The following ZNF726 variants were observed in gnomAD, a reference collection of about 807,000 sequenced individuals.
ZNF726 encodes zinc finger protein 92 pseudogene 3.
Under a neutral mutation model 11.6 loss-of-function variants are expected in ZNF726, and 15 were observed. The ratio of observed to expected loss-of-function variants is 1.29; its 90% CI spans 0.86 to 1.99. ZNF726 has a LOEUF of 1.99. Among genes scored for constraint, ZNF726 ranks in the 30% most tolerant of loss-of-function variants. The probability of loss-of-function intolerance (pLI) is 0.00; values close to 1 mark genes in which losing one functional copy is unlikely to be tolerated. For missense variants in ZNF726, 890 were observed against 725.6 expected, an observed-to-expected ratio of 1.23 and a Z score of -2.60; for synonymous variants, 295 against 243.6, an observed-to-expected ratio of 1.21 and a Z score of -1.96.
At position 23,914,929 on chromosome 19, in the gene ZNF726, CTG is replaced by C. The variant is rs1409241867; in HGVS notation, c.-62_-61del. On this transcript the variant is annotated 5_prime_UTR_variant, in exon 1 of 4. Transcript: ENST00000594466. ...AGCTCCAGGTCTCGTCCTCACTACTCTGTGTCTTCTGCTTTTAGGGGCGCAGC... is the reference window on the plus strand; with the variant it reads ...AGCTCCAGGTCTCGTCCTCACTACTCTGTCTTCTGCTTTTAGGGGCGCAGC... The C allele has an allele frequency of 3.5e-5, 57 of 1,610,944 alleles. No homozygotes were observed. In the South Asian group the frequency reaches 5.9e-4, roughly 17 times the overall value.
downstream of ZNF726, among the ~76,000 whole-genome samples, chr19:23,936,592 T>G (rs1968235049): frequency 6.6e-6 from 1 of 152,048 alleles, no homozygotes; most frequent in African/African-American, 2.4e-5. Context: ...CATTAAAATG[T>G]AAGATACATG....
Position 23,934,390 on chromosome 19 carries a change from A to G in ZNF726, c.*423A>G. On this transcript the variant is annotated 3_prime_UTR_variant, in exon 4 of 4. Coordinates refer to ENST00000594466, the MANE Select transcript of ZNF726 (RefSeq NM_001244038.2). Reference sequence around the variant, plus strand: ...TTCATACTGAAGAGAAACCCTACAAATGTGAAAAATGTGTCAAAGCCTTTA... The same window carrying G: ...TTCATACTGAAGAGAAACCCTACAAGTGTGAAAAATGTGTCAAAGCCTTTA... 2.0e-6 allele frequency: 1 copy of G among 499,274 alleles called. No homozygotes were observed. The highest frequency in any genetic ancestry group is 2.3e-5 in the Admixed American group (1 of 44,026). 30.9% of individuals were successfully genotyped at this position (499,274 alleles called of 1,614,324 possible).
chr19:23,931,192 TTGATCTCC>T (rs1968096535), intron 3 of ZNF726, among the ~76,000 whole-genome samples: 1 of 152,216 alleles, frequency 6.6e-6, no homozygotes, highest in African/African-American at 2.4e-5. Context: ...CAGGATGGTC[TTGATCTCC>T]TGACCTCATG....
intron 3 of ZNF726, chr19:23,927,778 A>G (rs1213902962): frequency 6.6e-6 from 1 of 152,226 alleles, no homozygotes; most frequent in Non-Finnish European, 1.5e-5. Context: ...TACACCACCC[A>G]GCTGGCATTC....
intron 3 of ZNF726, among the ~76,000 whole-genome samples, chr19:23,925,684 A>T (rs954163605): frequency 5.5e-5 from 8 of 144,318 alleles, no homozygotes; most frequent in Non-Finnish European, 1.1e-4. Context: ...AAATAAAGTT[A>T]TTCAATTTGA....
intron 3 of ZNF726, among the ~76,000 whole-genome samples, chr19:23,922,094 C>T (rs1257795011): frequency 6.6e-6 from 1 of 152,186 alleles, no homozygotes; most frequent in Non-Finnish European, 1.5e-5. Flanking sequence ...CTTAAGTCTG[C>T]TGGGTTTGCA....
At chr19:23,915,713 T>C (rs1177470420) in intron 1 of ZNF726, among the ~76,000 whole-genome samples, 1 of 152,070 alleles carries the variant, frequency 6.6e-6, no homozygotes, top group Non-Finnish European at 1.5e-5. Context: ...CCCTAGTAGT[T>C]GGGACTACAG....
Position 23,932,677 on chromosome 19 carries a change from CA to C in ZNF726, c.565del (p.Thr189ProfsTer61). The C allele has an allele frequency of 6.3e-7, 1 of 1,587,898 alleles. No individual in the cohort carries two copies. The highest frequency in any genetic ancestry group is 8.5e-7 in the Non-Finnish European group (1 of 1,171,162). On this transcript the variant is annotated frameshift_variant, in exon 4 of 4. Transcript: ENST00000594466. LOFTEE classifies it low-confidence loss of function (END_TRUNC). ...TCAAATCATTTTGCATGTTTTCACA[CA>C]AAACCCAGCATAAAAGCATATATAC... is the stretch of plus-strand genomic sequence containing the variant. ...CVKSFCMFSHKTQHKSIYTTE... is the reference protein window; with the variant it reads ...CVKSFCMFSHXTQHKSIYTTE...
chr19:23,915,606 G>T (rs542280013), intron 1 of ZNF726, among the ~76,000 whole-genome samples: 2 of 151,316 alleles, frequency 1.3e-5, no homozygotes, highest in East Asian at 3.9e-4. Flanking sequence ...TTTTTTTGAG[G>T]CAGAGTCTCT....
chr19:23,914,978 C>A lies in ZNF726; in HGVS notation c.-17C>A, dbSNP rs776142153. 1.9e-5 allele frequency: 31 copies of A among 1,613,520 alleles called. No individual in the cohort carries two copies. The highest frequency in any genetic ancestry group is 3.3e-5 in the Admixed American group (2 of 59,986). ...CAGCCTCTGTGGCCCTGTGACCTGCCCCCTGGAAGCCTAGAAATGGTGAGA... is the reference window on the plus strand; with the variant it reads ...CAGCCTCTGTGGCCCTGTGACCTGCACCCTGGAAGCCTAGAAATGGTGAGA... On this transcript the variant is annotated 5_prime_UTR_variant, in exon 1 of 4. Transcript: ENST00000594466.
At chr19:23,922,425 C>T (rs1284143309) in intron 3 of ZNF726, among the ~76,000 whole-genome samples, 2 of 152,298 alleles carry the variant, frequency 1.3e-5, no homozygotes, top group African/African-American at 2.4e-5. Context: ...AGGTCTGAGG[C>T]CTGCCATCAT....
chr19:23,919,169 C>T, intron 1 of ZNF726: 1 of 690,952 alleles, frequency 1.4e-6, no homozygotes, highest in East Asian at 4.0e-5. Context: ...CACTGATGTT[C>T]TGGATATTAT....
intron 1 of ZNF726, 132 bp downstream of exon 1, chr19:23,915,129 G>T: frequency 7.3e-7 from 1 of 1,379,282 alleles, no homozygotes; most frequent in Non-Finnish European, 1.0e-6. Flanking sequence ...TGCCCAGCTC[G>T]GCCTCAGTCC....
intron 4 of ZNF726, chr19:23,943,883 G>A (rs962480416): frequency 1.6e-4 from 35 of 215,266 alleles, no homozygotes; most frequent in African/African-American, 7.5e-4. Flanking sequence ...ATTGCTTCGG[G>A]GGAATATAAA....
chr19:23,937,487 C>T (rs558554864), downstream of ZNF726, among the ~76,000 whole-genome samples: 74 of 149,866 alleles, frequency 4.9e-4, 1 homozygote, highest in South Asian at 0.013. Flanking sequence ...CGGGCAGAGA[C>T]GCTCCTCACA....
chr19:23,934,094 C>G lies in ZNF726; in HGVS notation c.*127C>G, dbSNP rs755968878. The G allele has an allele frequency of 2.5e-6, 3 of 1,206,322 alleles. No homozygotes were observed. The African/African-American group carries it at 4.5e-5, about 18-fold the overall frequency. 74.7% of individuals were successfully genotyped at this position (1,206,322 alleles called of 1,614,324 possible). A position where few individuals can be genotyped will look rare whatever the true frequency, so the allele number is the denominator to read the frequency against. On this transcript the variant is annotated 3_prime_UTR_variant, in exon 4 of 4. Transcript: ENST00000594466. ...AGAATGTGAAAAAGCTTTTAATCCT[C>G]AAATCTTACTAAACATTAGATAATT...
intron 3 of ZNF726, chr19:23,928,215 C>T (rs1968029498): frequency 6.6e-6 from 1 of 152,202 alleles, no homozygotes; most frequent in South Asian, 2.1e-4. Flanking sequence ...GAAGCAGATG[C>T]TGGCACACTT....
chr19:23,920,156 G>A (rs1967807827), intron 3 of ZNF726, 74 bp downstream of exon 3: 3 of 1,095,750 alleles, frequency 2.7e-6, no homozygotes, highest in Non-Finnish European at 3.9e-6. Flanking sequence ...TCTTTAAAGT[G>A]ATTTGGAAAG....
intron 1 of ZNF726, among the ~76,000 whole-genome samples, chr19:23,915,755 AT>A (rs959290538): frequency 6.6e-6 from 1 of 151,312 alleles, no homozygotes; most frequent in African/African-American, 2.4e-5. Context: ...AATTTTTTTT[AT>A]TTTTAGCGGA....
Sources: allele counts gnomAD v4.1 joint callset (sites outside exome capture counted in the v4.1 genomes callset), GRCh38; gene constraint gnomAD v4.1.1; transcripts MANE v1.5; gene names NCBI Gene and HGNC (gene_info 2026-07-23, HGNC 2026-07-21).